PDE1C: variants seen among roughly 807,000 people sequenced by gnomAD.
The protein encoded by PDE1C is dual specificity calcium/calmodulin-dependent 3',5'-cyclic nucleotide phosphodiesterase 1C.
A neutral mutation model predicts 93.1 loss-of-function variants in PDE1C; 62 were observed. The ratio of observed to expected loss-of-function variants is 0.67; its 90% CI spans 0.54 to 0.82. The LOEUF (loss-of-function observed/expected upper bound fraction) is 0.82. PDE1C is among the 40% of genes least tolerant of loss of function. The probability of loss-of-function intolerance (pLI) is 0.00; values close to 1 mark genes in which losing one functional copy is unlikely to be tolerated. For synonymous variants in PDE1C, 325 were observed against 310.1 expected (o/e 1.05, Z -0.50); for missense variants, 742 against 884.6 (o/e 0.84, Z 2.04).
intron 2 of PDE1C, among the ~76,000 whole-genome samples, chr7:32,179,579 T>C (rs1803251199): frequency 6.6e-6 from 1 of 152,112 alleles, no homozygotes; most frequent in Admixed American, 6.5e-5. Context: ...CAGCTTCCTT[T>C]AACAAAGGAA....
rs551483731 is a variant in PDE1C at position 32,214,814 on chromosome 7, C to T, written c.86-5275G>A. ...ACCTCACATTGCCTCTATCCTTCAG[C>T]ATATGTGGATTGAGCACCACCTGGG... is the stretch of plus-strand genomic sequence containing the variant. On this transcript the variant is annotated intron_variant, in intron 1 of 18. Coordinates refer to the PDE1C transcript ENST00000396193. 2.6e-5 allele frequency among the ~76,000 whole-genome samples: 4 copies of T among 152,292 alleles called. No homozygotes were observed. The South Asian group carries it at 8.3e-4, about 32-fold the overall frequency.
At chr7:32,177,301 A>G (rs1381905337) in intron 2 of PDE1C, among the ~76,000 whole-genome samples, 1 of 152,180 alleles carries the variant, frequency 6.6e-6, no homozygotes, top group Non-Finnish European at 1.5e-5. Context: ...ATTAGGGAGT[A>G]ACAAGGGAAA....
chr7:32,217,722 A>G (rs1806536765), intron 1 of PDE1C, among the ~76,000 whole-genome samples: 1 of 152,220 alleles, frequency 6.6e-6, no homozygotes, highest in Admixed American at 6.5e-5. Flanking sequence ...ACATAAAAGA[A>G]TGTGGCCATG....
chr7:32,417,098 T>C (rs1785290421), intron 1 of PDE1C, among the ~76,000 whole-genome samples: 1 of 152,000 alleles, frequency 6.6e-6, no homozygotes, highest in Non-Finnish European at 1.5e-5. Flanking sequence ...GCCTGTGTGC[T>C]CAAAAGGACC....
At chr7:31,695,659 G>A in the PDE1C span, 1 of 1,558,928 alleles carries the variant, frequency 6.4e-7, no homozygotes, top group Non-Finnish European at 8.7e-7. Flanking sequence ...GTAAAGGAGA[G>A]CCACTTGCCA....
chr7:31,994,624 T>C (rs563358991), intron 2 of PDE1C, among the ~76,000 whole-genome samples: 8 of 152,278 alleles, frequency 5.3e-5, no homozygotes, highest in African/African-American at 1.7e-4. Flanking sequence ...ATAATCATAA[T>C]TGCAAGGAAC....
intron 7 of PDE1C, among the ~76,000 whole-genome samples, chr7:31,853,584 G>A (rs1775898110): frequency 6.6e-6 from 1 of 152,178 alleles, no homozygotes. Context: ...ATGTAAACCA[G>A]ATTCAGCAGG....
chr7:31,775,291 C>T (rs1412239720), intron 17 of PDE1C, among the ~76,000 whole-genome samples: 1 of 152,160 alleles, frequency 6.6e-6, no homozygotes, highest in Non-Finnish European at 1.5e-5. Context: ...TGAGGGCACA[C>T]AATTTGAACA....
At chr7:31,738,432 C>T in the PDE1C span, among the ~76,000 whole-genome samples, 3 of 152,086 alleles carry the variant, frequency 2.0e-5, no homozygotes, top group African/African-American at 4.8e-5. Context: ...TTAGATCTCC[C>T]GAGACTTATT....
intron 9 of PDE1C, among the ~76,000 whole-genome samples, chr7:31,844,443 TTTTTG>T (rs1792294786): frequency 6.6e-6 from 1 of 151,718 alleles, no homozygotes; most frequent in African/African-American, 2.4e-5. Context: ...CTGTGTTGGC[TTTTTG>T]TTTTCTTTTT....
intron 3 of PDE1C, among the ~76,000 whole-genome samples, chr7:32,120,254 C>T (rs940444000): frequency 6.6e-6 from 1 of 152,200 alleles, no homozygotes; most frequent in South Asian, 2.1e-4. Context: ...GGGCCTGAGC[C>T]CCTAGGGGGA....
intron 1 of PDE1C, among the ~76,000 whole-genome samples, chr7:32,052,741 A>C (rs1047140033): frequency 1.3e-5 from 2 of 152,204 alleles, no homozygotes; most frequent in African/African-American, 4.8e-5. Flanking sequence ...ATGAAATCAC[A>C]CAGGGCAGTG....
rs190760917 is a variant in PDE1C at position 32,020,077 on chromosome 7, C to G, written c.128+31477G>C. Among the ~76,000 whole-genome samples the G allele has an allele frequency of 7.6e-4, 115 of 152,106 alleles. 2 individuals carry two copies. The Middle Eastern group carries it at 0.031, about 40-fold the overall frequency. ...CCCTATGGAACATGGGAAACTCAGGCCATGGAGAGCCCATGCCGGGATCCC... is the reference window on the plus strand; with the variant it reads ...CCCTATGGAACATGGGAAACTCAGGGCATGGAGAGCCCATGCCGGGATCCC... On this transcript the variant is annotated intron_variant, in intron 2 of 17. Transcript: ENST00000396191.
intron 1 of PDE1C, among the ~76,000 whole-genome samples, chr7:32,054,123 A>T (rs1037388267): frequency 6.9e-6 from 1 of 145,380 alleles, no homozygotes; most frequent in African/African-American, 2.6e-5. Flanking sequence ...TTTAGAAAAG[A>T]TGATACCCAG....
At chr7:31,808,415 T>G (rs1306979662) in intron 16 of PDE1C, among the ~76,000 whole-genome samples, 1 of 151,968 alleles carries the variant, frequency 6.6e-6, no homozygotes, top group Non-Finnish European at 1.5e-5. Flanking sequence ...TAGTTCAAAG[T>G]GTGAAGGGTA....
At chr7:32,233,155 A>C (rs1325617608) in intron 1 of PDE1C, among the ~76,000 whole-genome samples, 1 of 152,180 alleles carries the variant, frequency 6.6e-6, no homozygotes, top group Non-Finnish European at 1.5e-5. Flanking sequence ...AAGGGCAATC[A>C]CTCTTGAAAC....
Position 32,311,839 on chromosome 7 carries a change from T to C in PDE1C, c.311-102300A>G, listed in dbSNP as rs189831082. Among the ~76,000 whole-genome samples, 146 of 152,314 alleles carry C rather than the reference T, an allele frequency of 9.6e-4. 2 individuals are homozygous for C. The highest frequency in any genetic ancestry group is 3.3e-3 in the African/African-American group (138 of 41,568). ...AACTGGAAGCATTCCCTTTTAAAAC[T>C]GGCACAAGACAGGCATGCCCTCTCT... On this transcript the variant is annotated intron_variant, in intron 1 of 1. Coordinates refer to the PDE1C transcript ENST00000672256.
At chr7:32,337,870 C>G (rs10447640) in intron 1 of PDE1C, among the ~76,000 whole-genome samples, 46,202 of 152,052 alleles carry the variant, frequency 0.3, 8,062 homozygotes, top group East Asian at 0.51. Context: ...ACGGAGCAAG[C>G]AAACGAGGCA....
chr7:32,172,649 C>G (rs1387328526), intron 2 of PDE1C, among the ~76,000 whole-genome samples: 5 of 151,740 alleles, frequency 3.3e-5, no homozygotes, highest in African/African-American at 1.2e-4. Flanking sequence ...ATGGAGAAAC[C>G]CCATCTCTAC....
Sources: allele counts gnomAD v4.1 joint callset (sites outside exome capture counted in the v4.1 genomes callset), GRCh38; gene constraint gnomAD v4.1.1; transcripts MANE v1.5; gene names NCBI Gene and HGNC (gene_info 2026-07-23, HGNC 2026-07-21).